DPYD: variants seen among roughly 807,000 people sequenced by gnomAD.
DPYD encodes dihydropyrimidine dehydrogenase [NADP(+)].
DPYD carries 109 observed loss-of-function variants against 116.2 expected under a neutral mutation model. That is an observed-to-expected ratio of 0.94 (90% CI 0.80 to 1.10). The LOEUF (loss-of-function observed/expected upper bound fraction) is 1.10. Among genes scored for constraint, DPYD ranks in the 50% least tolerant of loss-of-function variants. DPYD has a pLI of 0.00. For synonymous variants in DPYD, 440 were observed against 432.0 expected (o/e 1.02, Z -0.23); for missense variants, 1,302 against 1,254.5 (o/e 1.04, Z -0.57).
At chr1:97,393,497 A>G (rs542162797) in intron 14 of DPYD, among the ~76,000 whole-genome samples, 4 of 151,550 alleles carry the variant, frequency 2.6e-5, no homozygotes, top group South Asian at 2.1e-4. Flanking sequence ...CTTGTGTCCA[A>G]GTGTTCTCAT....
At chr1:97,272,049 T>C (rs1664614252) in intron 18 of DPYD, among the ~76,000 whole-genome samples, 1 of 152,170 alleles carries the variant, frequency 6.6e-6, no homozygotes, top group South Asian at 2.1e-4. Context: ...AGCACATTTT[T>C]CTCTTTTAAA....
intron 3 of DPYD, among the ~76,000 whole-genome samples, chr1:97,771,590 GAAT>G (rs1418956070): frequency 3.3e-5 from 5 of 152,180 alleles, no homozygotes; most frequent in South Asian, 2.1e-4. Context: ...GTATGATTCT[GAAT>G]AATAATTGTA....
intron 1 of DPYD, among the ~76,000 whole-genome samples, chr1:97,919,678 T>G (rs962606528): frequency 2.6e-5 from 4 of 152,222 alleles, no homozygotes; most frequent in Non-Finnish European, 4.4e-5. Flanking sequence ...TCTATTATCC[T>G]GCACACAGAT....
chr1:97,149,306 C>T (rs1205081574), intron 20 of DPYD, among the ~76,000 whole-genome samples: 1 of 152,156 alleles, frequency 6.6e-6, no homozygotes, highest in Non-Finnish European at 1.5e-5. Flanking sequence ...CGCTGGAGTG[C>T]AGTGGCATGA....
At chr1:97,274,784 T>C (rs1664831289) in intron 18 of DPYD, among the ~76,000 whole-genome samples, 1 of 152,164 alleles carries the variant, frequency 6.6e-6, no homozygotes, top group Admixed American at 6.6e-5. Context: ...CAAAAAGTGA[T>C]CAGTGCTGGT....
chr1:97,172,845 C>A (rs532224403), intron 20 of DPYD, among the ~76,000 whole-genome samples: 5 of 152,238 alleles, frequency 3.3e-5, no homozygotes, highest in African/African-American at 1.2e-4. Flanking sequence ...CAGAGCCAGC[C>A]ATTGCCTATA....
chr1:97,617,538 G>GAA lies in DPYD; in HGVS notation c.851-22374_851-22373dup, dbSNP rs1357695003. Among the ~76,000 whole-genome samples, 3 of 152,226 alleles carry GAA rather than the reference G, an allele frequency of 2.0e-5. No individual in the cohort carries two copies. The East Asian group carries it at 5.8e-4, about 29-fold the overall frequency. ...GCTTCTGGTGGTCTCTAGGTCCAGT[G>GAA]AAAAACACCAACATTGAGAGTAAGT... On this transcript the variant is annotated intron_variant, in intron 8 of 22. Coordinates refer to ENST00000370192, the MANE Select transcript of DPYD (RefSeq NM_000110.4).
At chr1:97,284,912 TC>T (rs1665565340) in intron 18 of DPYD, among the ~76,000 whole-genome samples, 1 of 152,194 alleles carries the variant, frequency 6.6e-6, no homozygotes, top group African/African-American at 2.4e-5. Flanking sequence ...CCACGTATTT[TC>T]CTATCCATTC....
intron 14 of DPYD, among the ~76,000 whole-genome samples, chr1:97,418,457 C>T (rs944677459): frequency 6.6e-6 from 1 of 151,988 alleles, no homozygotes; most frequent in African/African-American, 2.4e-5. Context: ...CCTGCCACCA[C>T]ACCCAGCTAA....
At chr1:97,649,762 A>G (rs980329272) in intron 8 of DPYD, among the ~76,000 whole-genome samples, 5 of 152,092 alleles carry the variant, frequency 3.3e-5, no homozygotes, top group African/African-American at 9.7e-5. Context: ...TCCAAAAAGT[A>G]ATGATGAAAG....
intron 18 of DPYD, among the ~76,000 whole-genome samples, chr1:97,303,370 A>C (rs1666973998): frequency 6.6e-6 from 1 of 152,002 alleles, no homozygotes; most frequent in South Asian, 2.1e-4. Flanking sequence ...ATTTTTTAAA[A>C]ATCTTATAAA....
At chr1:97,442,727 GAGTT>G (rs1233181612) in intron 14 of DPYD, among the ~76,000 whole-genome samples, 1 of 152,030 alleles carries the variant, frequency 6.6e-6, no homozygotes. Context: ...CATATTTAGT[GAGTT>G]AGTGTTTAAT....
chr1:97,899,562 A>G (rs966359623), intron 1 of DPYD, among the ~76,000 whole-genome samples: 4 of 151,854 alleles, frequency 2.6e-5, no homozygotes, highest in African/African-American at 7.2e-5. Context: ...GGAACCCCCA[A>G]TACAAAATGT....
At chr1:97,435,622 A>G (rs772570533) in intron 14 of DPYD, among the ~76,000 whole-genome samples, 6 of 152,012 alleles carry the variant, frequency 3.9e-5, no homozygotes, top group Non-Finnish European at 8.8e-5. Context: ...CAATTAAAAA[A>G]GAAAAGCAGT....
At chr1:97,145,517 G>A (rs1457709047) in intron 20 of DPYD, among the ~76,000 whole-genome samples, 1 of 152,076 alleles carries the variant, frequency 6.6e-6, no homozygotes, top group Admixed American at 6.6e-5. Context: ...AAGCCACGTG[G>A]GCCAGACAAT....
At chr1:97,376,538 T>C (rs1462290185) in intron 15 of DPYD, among the ~76,000 whole-genome samples, 3 of 152,154 alleles carry the variant, frequency 2.0e-5, no homozygotes, top group Admixed American at 6.5e-5. Flanking sequence ...GGAACATTCA[T>C]GTGGCCTCTG....
chr1:97,159,932 T>A (rs1459469124), intron 20 of DPYD, among the ~76,000 whole-genome samples: 1 of 152,000 alleles, frequency 6.6e-6, no homozygotes, highest in Non-Finnish European at 1.5e-5. Context: ...CTTCCTTGTC[T>A]TCTTCTCTCC....
chr1:97,909,223 T>C (rs10747494), intron 1 of DPYD, among the ~76,000 whole-genome samples: 147,880 of 152,202 alleles, frequency 0.97, 72,004 homozygotes, highest in Middle Eastern at 1. Context: ...AACCATCCAT[T>C]GGAAGAGGGA....
At chr1:97,375,029 CAAAAAAA>C (rs35693384) in intron 15 of DPYD, among the ~76,000 whole-genome samples, 1 of 116,110 alleles carries the variant, frequency 8.6e-6, no homozygotes, top group South Asian at 2.9e-4. Context: ...ACTCCAGTTC[CAAAAAAA>C]AAAAAAAAAA....
Sources: allele counts gnomAD v4.1 joint callset (sites outside exome capture counted in the v4.1 genomes callset), GRCh38; gene constraint gnomAD v4.1.1; transcripts MANE v1.5; gene names NCBI Gene and HGNC (gene_info 2026-07-23, HGNC 2026-07-21).